The following LARP4B variants were observed in gnomAD, a reference collection of about 807,000 sequenced individuals.
LARP4B encodes la-related protein 4B.
Under a neutral mutation model 89.8 loss-of-function variants are expected in LARP4B, and 12 were observed. The observed-to-expected ratio is 0.13, with a 90% CI of 0.09 to 0.22. The LOEUF (loss-of-function observed/expected upper bound fraction) is 0.22. LARP4B is among the 10% of genes least tolerant of loss of function. LARP4B has a pLI of 1.00. For missense variants in LARP4B, 757 were observed against 947.7 expected (o/e 0.80, Z 2.64); for synonymous variants, 367 against 363.3 (o/e 1.01, Z -0.12).
At chr10:981,939 T>G in the LARP4B span, among the ~76,000 whole-genome samples, 2 of 152,176 alleles carry the variant, frequency 1.3e-5, no homozygotes, top group African/African-American at 4.8e-5. Flanking sequence ...GTTTTAAAAT[T>G]TGTTATTATG....
chr10:960,761 A>T, the LARP4B span, among the ~76,000 whole-genome samples: 2 of 149,104 alleles, frequency 1.3e-5, no homozygotes, highest in Non-Finnish European at 3.0e-5. Context: ...GGTCATTACC[A>T]AATGATTGAT....
rs146188173 is a variant in LARP4B, at chr10:852,271, G to T, written c.431-7216C>A. Among the ~76,000 whole-genome samples, 203 of 152,244 alleles carry T rather than the reference G, an allele frequency of 1.3e-3. 1 individual carries two copies. The highest frequency in any genetic ancestry group is 4.8e-3 in the African/African-American group (199 of 41,518). ...ATTCTAAGCAAAGTTTTGGTAAATG[G>T]AATCCAGTAGTATATCCAAAGTATA... is the stretch of plus-strand genomic sequence containing the variant. On this transcript the variant is annotated intron_variant, in intron 5 of 17. Transcript: ENST00000316157.
chr10:951,620 G>A, the LARP4B span, among the ~76,000 whole-genome samples: 37,213 of 151,972 alleles, frequency 0.24, 5,165 homozygotes, highest in African/African-American at 0.38. Context: ...TCAAACAGGA[G>A]ACCAAGTGGT....
chr10:928,731 C>A (rs1249191598), intron 1 of LARP4B, among the ~76,000 whole-genome samples: 4 of 152,074 alleles, frequency 2.6e-5, no homozygotes, highest in Admixed American at 2.6e-4. Flanking sequence ...CAGGTGTGAG[C>A]CACCATGCCT....
At chr10:833,758 G>A (rs758007341) in intron 8 of LARP4B, among the ~76,000 whole-genome samples, 1 of 151,908 alleles carries the variant, frequency 6.6e-6, no homozygotes, top group Non-Finnish European at 1.5e-5. Flanking sequence ...GCATGGTGGC[G>A]CATGCCTGTA....
chr10:850,741 T>G (rs1366902654), intron 5 of LARP4B, among the ~76,000 whole-genome samples: 1 of 152,164 alleles, frequency 6.6e-6, no homozygotes, highest in African/African-American at 2.4e-5. Context: ...CTTAATATAT[T>G]TAAAGAAATT....
intron 5 of LARP4B, among the ~76,000 whole-genome samples, chr10:847,349 G>A (rs1181121614): frequency 2.6e-5 from 4 of 152,080 alleles, no homozygotes; most frequent in Non-Finnish European, 2.9e-5. Flanking sequence ...TTGGGCACAT[G>A]GTGTTGGTAA....
the LARP4B span, among the ~76,000 whole-genome samples, chr10:959,873 A>T: frequency 1.1e-4 from 13 of 123,688 alleles, no homozygotes; most frequent in Non-Finnish European, 1.5e-4. Context: ...CTCCTCGTCA[A>T]TCCACCTCCT....
chr10:975,348 C>T, the LARP4B span, among the ~76,000 whole-genome samples: 63 of 152,294 alleles, frequency 4.1e-4, no homozygotes, highest in African/African-American at 1.3e-3. Context: ...AATGTCCCCA[C>T]GTGTTTAGTA....
At chr10:939,244 G>T in the LARP4B span, among the ~76,000 whole-genome samples, 3 of 152,226 alleles carry the variant, frequency 2.0e-5, no homozygotes, top group African/African-American at 7.2e-5. Context: ...AGGCGAGGAG[G>T]GTGCAGGCTT....
intron 3 of LARP4B, among the ~76,000 whole-genome samples, chr10:870,304 G>A (rs1835136745): frequency 1.3e-5 from 2 of 152,148 alleles, no homozygotes; most frequent in African/African-American, 4.8e-5. Context: ...CTCCTTCTGG[G>A]AAACTCTGCC....
At chr10:913,190 T>C (rs1261491640) in intron 1 of LARP4B, among the ~76,000 whole-genome samples, 1 of 152,170 alleles carries the variant, frequency 6.6e-6, no homozygotes. Context: ...CTGAATTGTT[T>C]AGGGGAGTGG....
At chr10:861,960 T>C (rs1834635182) in intron 5 of LARP4B, among the ~76,000 whole-genome samples, 1 of 152,212 alleles carries the variant, frequency 6.6e-6, no homozygotes, top group African/African-American at 2.4e-5. Context: ...TCCTTTGCCA[T>C]CTTAAATTCA....
the LARP4B span, chr10:973,100 T>G: frequency 5.6e-6 from 2 of 360,048 alleles, no homozygotes; most frequent in Non-Finnish European, 1.1e-5. Flanking sequence ...CTGCCTTTCT[T>G]GCAGAGAGTA....
chr10:964,818 G>C, the LARP4B span, among the ~76,000 whole-genome samples: 4 of 152,348 alleles, frequency 2.6e-5, no homozygotes, highest in South Asian at 6.2e-4. Flanking sequence ...CTCACCAGCT[G>C]TGTGTTTGTC....
At chr10:841,206 T>C (rs1332487689) in intron 7 of LARP4B, among the ~76,000 whole-genome samples, 3 of 152,120 alleles carry the variant, frequency 2.0e-5, no homozygotes, top group Non-Finnish European at 2.9e-5. Flanking sequence ...AAAAGTAAGA[T>C]GAGAACTTTG....
chr10:976,955 G>T, the LARP4B span, among the ~76,000 whole-genome samples: 2 of 151,974 alleles, frequency 1.3e-5, no homozygotes, highest in Admixed American at 6.5e-5. Context: ...AGGTAGGCCT[G>T]TTGTGTAATG....
chr10:908,209 A>G (rs898845312), intron 1 of LARP4B, among the ~76,000 whole-genome samples: 3 of 152,040 alleles, frequency 2.0e-5, no homozygotes. Context: ...CAAGACTCCG[A>G]CCCAACAACA....
rs573099323 is a variant in LARP4B, at chr10:814,947, C to G, written c.1819G>C (p.Asp607His). 6.3e-7 allele frequency: 1 copy of G among 1,590,590 alleles called. No homozygotes were observed. The highest frequency in any genetic ancestry group is 1.1e-5 in the South Asian group (1 of 87,800). ...CGCTGGAAGAACACCAATACTCACT[C>G]GGGTAAATGAGCTGGGGAGGGGGAT... ...ERSPSPAHLP[D>H]DPKVAEKQRE... Residue 607 changes from aspartate to histidine, a missense_variant and splice_region_variant, in exon 16 of 18, where the codon GAT becomes CAT. Transcript: ENST00000316157. This position sits in a 1 kb window ranked among gnomAD's most constrained non-coding sequence, Gnocchi z 4.4.
Sources: allele counts gnomAD v4.1 joint callset (sites outside exome capture counted in the v4.1 genomes callset), GRCh38; gene constraint gnomAD v4.1.1; non-coding constraint Gnocchi (gnomAD v3.1); transcripts MANE v1.5; gene names NCBI Gene and HGNC (gene_info 2026-07-23, HGNC 2026-07-21).